Variants in LUC7L2 observed in about 807,000 individuals in gnomAD.
LUC7L2 encodes LUC7 like 2, pre-mRNA splicing factor, also known as putative RNA-binding protein Luc7-like 2.
Under a neutral mutation model 52.8 loss-of-function variants are expected in LUC7L2, and 25 were observed. The ratio of observed to expected loss-of-function variants is 0.47; its 90% CI spans 0.34 to 0.66. The LOEUF is 0.66. Ranked by LOEUF, LUC7L2 falls within the 30% of genes least tolerant of loss-of-function variation. The pLI, the probability that LUC7L2 is intolerant of heterozygous loss-of-function variation, is 0.01. For synonymous variants in LUC7L2, 144 were observed against 160.9 expected (o/e 0.89, Z 0.80); for missense variants, 328 against 497.8 (o/e 0.66, Z 3.25).
At chr7:139,395,431 G>C (rs1031226835) in intron 2 of LUC7L2, among the ~76,000 whole-genome samples, 1 of 152,096 alleles carries the variant, frequency 6.6e-6, no homozygotes, top group African/African-American at 2.4e-5. Context: ...CTAATGAATC[G>C]GGGGGTAAGG....
chr7:139,358,581 G>A (rs1396539679), upstream of LUC7L2, among the ~76,000 whole-genome samples: 1 of 152,188 alleles, frequency 6.6e-6, no homozygotes, highest in East Asian at 1.9e-4. Flanking sequence ...TATCTAGAAA[G>A]TGCCTGTCTT....
At chr7:139,358,841 C>T (rs983272986), upstream of LUC7L2, among the ~76,000 whole-genome samples, 8 of 152,054 alleles carry the variant, frequency 5.3e-5, no homozygotes, top group Admixed American at 2.6e-4. Flanking sequence ...CCATCACGCC[C>T]GGCTAATTTT....
chr7:139,350,915 T>C (rs779138371), intron 1 of LUC7L2, among the ~76,000 whole-genome samples: 5 of 151,944 alleles, frequency 3.3e-5, no homozygotes, highest in Non-Finnish European at 7.4e-5. Context: ...ACCTCGTGAT[T>C]TGCCCGCCTT....
intron 9 of LUC7L2, among the ~76,000 whole-genome samples, chr7:139,420,533 G>GTCTT (rs1795850955): frequency 6.6e-6 from 1 of 152,222 alleles, no homozygotes. Flanking sequence ...TATCTCACCT[G>GTCTT]TCTTTCCCCA....
intron 1 of LUC7L2, chr7:139,374,592 G>T (rs1585087719): frequency 5.3e-6 from 8 of 1,517,116 alleles, no homozygotes; most frequent in Non-Finnish European, 7.1e-6. Context: ...ACACTAAACT[G>T]AATATTCCAA....
intron 1 of LUC7L2, chr7:139,346,425 A>G (rs1263937154): frequency 6.6e-6 from 1 of 152,142 alleles, no homozygotes; most frequent in Non-Finnish European, 1.5e-5. Context: ...AATTATACAT[A>G]CATATCTCAT....
At chr7:139,396,102 ACT>A (rs1306006666) in intron 2 of LUC7L2, among the ~76,000 whole-genome samples, 1 of 152,084 alleles carries the variant, frequency 6.6e-6, no homozygotes, top group South Asian at 2.1e-4. Context: ...GAACTCCCTA[ACT>A]CTGAGGATGT....
chr7:139,375,299 A>G, intron 1 of LUC7L2: 1 of 985,412 alleles, frequency 1.0e-6, no homozygotes, highest in Non-Finnish European at 1.2e-6. Flanking sequence ...GTATTGTGTT[A>G]TATGAAGACA....
chr7:139,379,240 A>G (rs1194183733), intron 2 of LUC7L2, among the ~76,000 whole-genome samples: 2 of 152,208 alleles, frequency 1.3e-5, no homozygotes. Flanking sequence ...GGTTGTACAT[A>G]CTTATAGCCC....
Position 139,384,238 on chromosome 7 carries a change from A to T in LUC7L2, c.156+8082A>T, listed in dbSNP as rs115638705. On this transcript the variant is annotated intron_variant, in intron 2 of 9. Coordinates refer to ENST00000354926, the MANE Select transcript of LUC7L2 (RefSeq NM_016019.5). Reference sequence around the variant, plus strand: ...GAAGAGATCTGGATGTGGAGATCTGATGTTTTTGGCATTAACCCTGATTAT... The same window carrying T: ...GAAGAGATCTGGATGTGGAGATCTGTTGTTTTTGGCATTAACCCTGATTAT... 2.8e-3 allele frequency among the ~76,000 whole-genome samples: 421 copies of T among 151,810 alleles called. 3 individuals carry two copies. Among genetic ancestry groups the T allele is most frequent in the African/African-American group, 9.7e-3 (401 of 41,396 alleles).
At chr7:139,414,862 C>CTCTA (rs35807878) in intron 8 of LUC7L2, among the ~76,000 whole-genome samples, 58,105 of 151,678 alleles carry the variant, frequency 0.38, 15,495 homozygotes, top group African/African-American at 0.76. Context: ...CCACTCTTTT[C>CTCTA]TCTTTTTCCA....
At chr7:139,390,867 GT>G (rs1794421493) in intron 2 of LUC7L2, among the ~76,000 whole-genome samples, 1 of 152,144 alleles carries the variant, frequency 6.6e-6, no homozygotes, top group Admixed American at 6.5e-5. Flanking sequence ...AGACAATGTA[GT>G]TTTTAAGTAC....
chr7:139,362,917 G>C (rs1309442546), intron 1 of LUC7L2, among the ~76,000 whole-genome samples: 1 of 152,074 alleles, frequency 6.6e-6, no homozygotes, highest in African/African-American at 2.4e-5. Context: ...TAATCATTTA[G>C]ATTACCTAAA....
At chr7:139,345,645 G>C in intron 1 of LUC7L2, 1 of 1,614,172 alleles carries the variant, frequency 6.2e-7, no homozygotes. Flanking sequence ...GGAGGAGTCT[G>C]CTGGCTTGGT....
intron 2 of LUC7L2, among the ~76,000 whole-genome samples, chr7:139,380,400 C>G (rs933533871): frequency 6.6e-6 from 1 of 151,950 alleles, no homozygotes; most frequent in African/African-American, 2.4e-5. Context: ...GAGTTCGAGA[C>G]CAGCCTGGCC....
intron 2 of LUC7L2, among the ~76,000 whole-genome samples, chr7:139,384,635 C>G (rs1268475943): frequency 1.3e-5 from 2 of 150,998 alleles, no homozygotes; most frequent in East Asian, 3.9e-4. Flanking sequence ...ACCTTAAAAA[C>G]CAAGGCTTTA....
chr7:139,403,788 C>T (rs989389052), intron 4 of LUC7L2, among the ~76,000 whole-genome samples: 2 of 152,208 alleles, frequency 1.3e-5, no homozygotes, highest in African/African-American at 4.8e-5. Flanking sequence ...TGGGCTTACT[C>T]ACATGCCTTG....
At chr7:139,371,491 A>T in intron 1 of LUC7L2, 1 of 1,522,196 alleles carries the variant, frequency 6.6e-7, no homozygotes, top group Non-Finnish European at 8.9e-7. Flanking sequence ...TGTTTTTAAA[A>T]TAGCACCTAA....
In LUC7L2 at chr7:139,341,384, A is replaced by G. The variant is rs778569166; in HGVS notation, c.-26+867A>G. 1.4e-5 allele frequency: 23 copies of G among 1,612,404 alleles called. No individual in the cohort carries two copies. The East Asian group carries it at 4.5e-4, about 31-fold the overall frequency. ...CACCACGCTCGGAGAAGGACAGGAC[A>G]ATGGCGGCCTTAGGGTCCCCGTCGC... On this transcript the variant is annotated intron_variant, in intron 1 of 10. Coordinates refer to the LUC7L2 transcript ENST00000541170.
Sources: allele counts gnomAD v4.1 joint callset (sites outside exome capture counted in the v4.1 genomes callset), GRCh38; gene constraint gnomAD v4.1.1; transcripts MANE v1.5; gene names NCBI Gene and HGNC (gene_info 2026-07-23, HGNC 2026-07-21).